Variants in ERMP1 observed in about 807,000 individuals in gnomAD.
ERMP1 encodes endoplasmic reticulum metallopeptidase 1.
A neutral mutation model predicts 92.0 loss-of-function variants in ERMP1; 86 were observed. The ratio of observed to expected loss-of-function variants is 0.93; its 90% confidence interval spans 0.79 to 1.12. The LOEUF is 1.12. Ranked by LOEUF, ERMP1 falls within the 50% of genes most tolerant of loss-of-function variation. The pLI is 0.00. For synonymous variants in ERMP1, 530 were observed against 412.8 expected, an observed-to-expected ratio of 1.28 and a Z score of -3.44; for missense variants, 1,342 against 1,116.3, an observed-to-expected ratio of 1.20 and a Z score of -2.88.
Position 5,797,910 on chromosome 9 carries a change from G to A in ERMP1, c.2293C>T (p.Pro765Ser). 3 of 1,612,876 alleles carry A rather than the reference G, an allele frequency of 1.9e-6. No homozygotes were observed. The highest frequency in any genetic ancestry group is 2.5e-6 in the Non-Finnish European group (3 of 1,179,020). Residue 765 changes from proline to serine, a missense_variant, in exon 13 of 15, where the codon CCA becomes TCA. Transcript: ENST00000339450. ...LIRKNWYLPA[P>S]EVSPRNPPHF... Reference sequence around the variant, plus strand: ...GGAGGATTTCTTGGAGAAACTTCTGGGGCAGGAAGATACCAGTTTTTCCTA... The same window carrying A: ...GGAGGATTTCTTGGAGAAACTTCTGAGGCAGGAAGATACCAGTTTTTCCTA...
intron 13 of ERMP1, among the ~76,000 whole-genome samples, chr9:5,792,991 T>G (rs996697683): frequency 6.6e-6 from 1 of 152,192 alleles, no homozygotes; most frequent in South Asian, 2.1e-4. Flanking sequence ...TATTCTTAAT[T>G]GATCTAACAG....
intron 4 of ERMP1, among the ~76,000 whole-genome samples, chr9:5,820,085 G>A (rs1452145602): frequency 6.6e-6 from 1 of 152,176 alleles, no homozygotes; most frequent in Non-Finnish European, 1.5e-5. Context: ...GATCACCTGA[G>A]CTCAGGAGTT....
chr9:5,812,493 G>T (rs988037428), intron 5 of ERMP1, among the ~76,000 whole-genome samples: 3 of 152,164 alleles, frequency 2.0e-5, no homozygotes, highest in Admixed American at 1.3e-4. Flanking sequence ...TTGAGTTTGG[G>T]AGGTCATGAA....
At chr9:5,865,787 A>C (rs2153926) in intron 5 of ERMP1, among the ~76,000 whole-genome samples, 1 of 145,266 alleles carries the variant, frequency 6.9e-6, no homozygotes, top group Non-Finnish European at 1.5e-5. Flanking sequence ...GCAGTGAGCC[A>C]AGATCGTGCC....
chr9:5,795,230 T>C lies in ERMP1; in HGVS notation c.2386+2587A>G, dbSNP rs539910029. 2.6e-5 allele frequency among the ~76,000 whole-genome samples: 4 copies of C among 152,268 alleles called. No homozygotes were observed. In the South Asian group the frequency reaches 8.3e-4, roughly 32 times the overall value. On this transcript the variant is annotated intron_variant, in intron 13 of 14. Transcript: ENST00000339450. ...ATAAAAACTCTCAGTAAGCTAGGAA[T>C]AGAGGGAACTTCCTCAGTCTCATAA... is the stretch of plus-strand genomic sequence containing the variant.
intron 5 of ERMP1, among the ~76,000 whole-genome samples, chr9:5,861,257 A>C (rs1425566408): frequency 1.3e-5 from 2 of 150,392 alleles, no homozygotes; most frequent in African/African-American, 4.9e-5. Context: ...GAGAGGGAAA[A>C]AAAATCAGTT....
intron 13 of ERMP1, 86 bp from the exon 14 acceptor site, chr9:5,787,679 G>C: frequency 7.5e-7 from 1 of 1,333,898 alleles, no homozygotes; most frequent in Non-Finnish European, 1.0e-6. Flanking sequence ...CTTCATAAAG[G>C]TTCATGCCTG....
upstream of ERMP1, among the ~76,000 whole-genome samples, chr9:5,834,068 A>G (rs139441151): frequency 4.6e-5 from 7 of 152,324 alleles, no homozygotes; most frequent in East Asian, 9.6e-4. Context: ...CAGATTTCAT[A>G]CAATGCCCTA....
At chr9:5,837,693 C>T (rs1830110860), upstream of ERMP1, among the ~76,000 whole-genome samples, 2 of 152,156 alleles carry the variant, frequency 1.3e-5, no homozygotes, top group South Asian at 2.1e-4. Context: ...TATATGCATG[C>T]GTGCACAAAA....
intron 5 of ERMP1, among the ~76,000 whole-genome samples, chr9:5,860,612 ATT>A (rs35003433): frequency 1.5e-5 from 2 of 135,668 alleles, no homozygotes; most frequent in African/African-American, 2.7e-5. Context: ...TCAGTCCACA[ATT>A]TTTTTTTTTT....
At chr9:5,801,836 T>G (rs1828685260) in intron 10 of ERMP1, among the ~76,000 whole-genome samples, 1 of 152,220 alleles carries the variant, frequency 6.6e-6, no homozygotes, top group Non-Finnish European at 1.5e-5. Flanking sequence ...AAAACTGCAT[T>G]ACAAAGTAAT....
chr9:5,795,440 G>A (rs979714943), intron 13 of ERMP1, among the ~76,000 whole-genome samples: 1 of 152,126 alleles, frequency 6.6e-6, no homozygotes, highest in Non-Finnish European at 1.5e-5. Flanking sequence ...TTAGGAAGGA[G>A]GAAATAAAAC....
chr9:5,812,028 C>T, intron 6 of ERMP1, 97 bp downstream of exon 6: 1 of 737,416 alleles, frequency 1.4e-6, no homozygotes, highest in East Asian at 2.6e-5. Context: ...TGCATACTGC[C>T]TCTCTAATGC....
At chr9:5,804,186 A>C (rs1229769522) in intron 10 of ERMP1, among the ~76,000 whole-genome samples, 1 of 152,104 alleles carries the variant, frequency 6.6e-6, no homozygotes, top group Non-Finnish European at 1.5e-5. Context: ...CTCAAATTTC[A>C]AGGTGCACCT....
intron 6 of ERMP1, among the ~76,000 whole-genome samples, chr9:5,840,841 T>A (rs556105880): frequency 6.6e-6 from 1 of 152,372 alleles, no homozygotes; most frequent in Non-Finnish European, 1.5e-5. Flanking sequence ...TTCATTTGCA[T>A]GGCATTACAG....
rs1830026363 is a variant in ERMP1 at position 5,833,078 on chromosome 9, G to A, written c.-51C>T. On this transcript the variant is annotated 5_prime_UTR_variant, in exon 1 of 15. Transcript: ENST00000339450. ...AACCGCCCCAACCCGCGACAGCCCC[G>A]GCCGCCGCCGACGCCGCCGTCGCTG... 3.7e-6 allele frequency: 5 copies of A among 1,336,906 alleles called. No individual in the cohort carries two copies. The highest frequency in any genetic ancestry group is 7.0e-5 in the Admixed American group (2 of 28,480). The allele number at this position is 1,336,906 out of a possible 1,614,324, so 82.8% of individuals were successfully genotyped here. A position where few individuals can be genotyped will look rare whatever the true frequency, so the allele number is the denominator to read the frequency against.
Position 5,831,008 on chromosome 9 carries a change from G to A in ERMP1, c.359C>T (p.Thr120Ile). The A allele has an allele frequency of 6.2e-7, 1 of 1,613,640 alleles. No homozygotes were observed. The highest frequency in any genetic ancestry group is 8.5e-7 in the Non-Finnish European group (1 of 1,179,682). The change falls in exon 2 of 15, where the codon ACC becomes ATC. Residue 120 changes from threonine to isoleucine, a missense_variant. Thr to Ile is a moderately conservative substitution (Grantham distance 89). Coordinates refer to ENST00000339450, the MANE Select transcript of ERMP1 (RefSeq NM_024896.3). ...TCCTGTAGTCCTGGGGCCAATGGAG[G>A]TTATGTGTTCAAGATAATCCCTGGA... ...LQARDYLEHI[T>I]SIGPRTTGSP...
At chr9:5,803,600 G>C (rs1828756498) in intron 10 of ERMP1, among the ~76,000 whole-genome samples, 1 of 151,988 alleles carries the variant, frequency 6.6e-6, no homozygotes, top group African/African-American at 2.4e-5. Flanking sequence ...GGGGGTGTGG[G>C]GGCATTCAGT....
chr9:5,835,001 G>C (rs1830074282), upstream of ERMP1, among the ~76,000 whole-genome samples: 1 of 150,398 alleles, frequency 6.6e-6, no homozygotes, highest in African/African-American at 2.4e-5. Flanking sequence ...GTGTGTGTGT[G>C]TGTGTGTGTG....
Sources: gnomAD v4.1 joint callset for allele counts (sites outside exome capture counted in the v4.1 genomes callset) on GRCh38, gnomAD v4.1.1 for gene constraint, MANE v1.5 for transcripts, NCBI Gene and HGNC (gene_info 2026-07-23, HGNC 2026-07-21) for gene names.